PRKCH: variants seen among roughly 807,000 people sequenced by gnomAD.
PRKCH encodes the protein protein kinase C eta type.
A neutral mutation model predicts 82.5 loss-of-function variants in PRKCH; 28 were observed. The observed-to-expected ratio is 0.34, with a 90% CI of 0.25 to 0.47. The LOEUF is 0.47. PRKCH is among the 20% of genes least tolerant of loss of function. PRKCH has a pLI of 1.00. For synonymous variants in PRKCH, 322 were observed against 327.4 expected, an observed-to-expected ratio of 0.98 and a Z score of 0.18; for missense variants, 705 against 881.8, an observed-to-expected ratio of 0.80 and a Z score of 2.54.
Position 61,435,738 on chromosome 14 carries a change from ATGAAAC to A in PRKCH, c.428-7372_428-7367del, listed in dbSNP as rs1257469261. Among the ~76,000 whole-genome samples, 19 of 152,080 alleles carry A rather than the reference ATGAAAC, an allele frequency of 1.2e-4. No homozygotes were observed. In the South Asian group the frequency reaches 2.1e-3, roughly 17 times the overall value. On this transcript the variant is annotated intron_variant, in intron 2 of 13. Transcript: ENST00000332981. ...AATGAATGAATGAATGAATGAATGAATGAAACCAGAGCTATAGCTGTATATTTGGGA... is the reference window on the plus strand; with the variant it reads ...AATGAATGAATGAATGAATGAATGAACAGAGCTATAGCTGTATATTTGGGA...
intron 1 of PRKCH, among the ~76,000 whole-genome samples, chr14:61,262,573 T>C (rs2045058977): frequency 6.6e-6 from 1 of 152,142 alleles, no homozygotes; most frequent in East Asian, 1.9e-4. Context: ...AAGAAACTTT[T>C]TGGGATGATG....
intron 3 of PRKCH, 132 bp from the exon 4 acceptor site, chr14:61,445,560 C>A: frequency 1.2e-6 from 1 of 819,114 alleles, no homozygotes; most frequent in African/African-American, 1.7e-5. Context: ...TCAGAAAGCA[C>A]ATGATCTTTG....
intron 1 of PRKCH, among the ~76,000 whole-genome samples, chr14:61,209,183 C>T (rs558530369): frequency 2.6e-5 from 4 of 152,108 alleles, no homozygotes; most frequent in East Asian, 1.9e-4. Flanking sequence ...TGCCAGATAC[C>T]GGTGCTATGC....
chr14:61,460,202 T>G (rs758581657), intron 9 of PRKCH, among the ~76,000 whole-genome samples: 1 of 152,196 alleles, frequency 6.6e-6, no homozygotes, highest in Non-Finnish European at 1.5e-5. Context: ...TGTTTTGTAT[T>G]TCTATATACC....
At position 61,264,850 on chromosome 14, in the gene PRKCH, C is replaced by G. The variant is rs2045083303; in HGVS notation, c.-19+77182C>G. Reference sequence around the variant, plus strand: ...GAGGCTTGAATTCCTTAGATTTTGGCTACTGTGGTCCATGACGCAGTTTGA... The same window carrying G: ...GAGGCTTGAATTCCTTAGATTTTGGGTACTGTGGTCCATGACGCAGTTTGA... On this transcript the variant is annotated intron_variant, in intron 1 of 3. Coordinates refer to the PRKCH transcript ENST00000555185. 3.3e-5 allele frequency among the ~76,000 whole-genome samples: 5 copies of G among 152,246 alleles called. No individual in the cohort carries two copies. The South Asian group carries it at 1.0e-3, about 32-fold the overall frequency.
intron 3 of PRKCH, among the ~76,000 whole-genome samples, chr14:61,444,768 T>C (rs1461204071): frequency 6.6e-6 from 1 of 152,206 alleles, no homozygotes; most frequent in African/African-American, 2.4e-5. Flanking sequence ...ATTTGCAAAA[T>C]AGACACAACA....
intron 1 of PRKCH, among the ~76,000 whole-genome samples, chr14:61,205,861 A>T (rs1434644730): frequency 2.6e-5 from 4 of 152,200 alleles, no homozygotes; most frequent in Non-Finnish European, 4.4e-5. Flanking sequence ...TGATGCCCAC[A>T]GTGGCAAATG....
intron 1 of PRKCH, among the ~76,000 whole-genome samples, chr14:61,266,362 G>C (rs988721992): frequency 1.3e-5 from 2 of 152,182 alleles, no homozygotes; most frequent in African/African-American, 4.8e-5. Flanking sequence ...AGGTTGCAGT[G>C]AGCTGAGATT....
At chr14:61,273,060 G>T (rs979978710) in intron 1 of PRKCH, among the ~76,000 whole-genome samples, 29 of 152,124 alleles carry the variant, frequency 1.9e-4, no homozygotes, top group Non-Finnish European at 3.8e-4. Context: ...CCCTTATCAT[G>T]CATTATTCTT....
chr14:61,484,760 C>G lies in PRKCH; in HGVS notation c.1279-742C>G, dbSNP rs555792691. On this transcript the variant is annotated intron_variant, in intron 9 of 13. Coordinates refer to ENST00000332981, the MANE Select transcript of PRKCH (RefSeq NM_006255.5). ...ATGCTACTGTGAGGCTGTCATTTGG[C>G]TTCCTTTTTTTTTTTTTTTTTTTGG... Among the ~76,000 whole-genome samples the G allele has an allele frequency of 8.8e-3, 1,140 of 129,778 alleles. 16 individuals are homozygous for G. Among genetic ancestry groups the G allele is most frequent in the African/African-American group, 0.035 (1,070 of 30,516 alleles). 85.1% of individuals were successfully genotyped at this position (129,778 alleles called of 152,430 possible).
In PRKCH at chr14:61,550,911, A is replaced by G. The variant is rs1381668881; in HGVS notation, c.*1080A>G. ...GGCATATATCAAAGATGACCTTATA[A>G]TATGTACCCGAATATACAGTTCAAG... On this transcript the variant is annotated 3_prime_UTR_variant, in exon 14 of 14. Coordinates refer to ENST00000332981, the MANE Select transcript of PRKCH (RefSeq NM_006255.5). The G allele has an allele frequency of 1.3e-5, 2 of 152,360 alleles. No individual in the cohort carries two copies. The highest frequency in any genetic ancestry group is 1.5e-5 in the Non-Finnish European group (1 of 68,038). The allele number at this position is 152,360 out of a possible 1,614,324, so 9.4% of individuals were successfully genotyped here. A position where few individuals can be genotyped will look rare whatever the true frequency, so the allele number is the denominator to read the frequency against.
intron 1 of PRKCH, among the ~76,000 whole-genome samples, chr14:61,370,195 G>A (rs981990208): frequency 3.9e-5 from 6 of 152,086 alleles, no homozygotes; most frequent in South Asian, 2.1e-4. Flanking sequence ...CGCCTGCCTC[G>A]GCCTCCCAAA....
chr14:61,469,931 C>T (rs977481226), intron 9 of PRKCH, among the ~76,000 whole-genome samples: 2 of 151,994 alleles, frequency 1.3e-5, no homozygotes, highest in African/African-American at 4.8e-5. Flanking sequence ...GAAAAGAGTC[C>T]CTGCCCTCAT....
intron 1 of PRKCH, among the ~76,000 whole-genome samples, chr14:61,350,575 C>G (rs528675742): frequency 6.6e-6 from 1 of 152,274 alleles, no homozygotes; most frequent in South Asian, 2.1e-4. Context: ...CTCTTCTCAC[C>G]TCTTCACCAG....
At chr14:61,504,615 G>C (rs960818235) in intron 10 of PRKCH, among the ~76,000 whole-genome samples, 1 of 152,156 alleles carries the variant, frequency 6.6e-6, no homozygotes, top group East Asian at 1.9e-4. Flanking sequence ...ATTGAGAGGG[G>C]TCCCTCTGTA....
chr14:61,515,877 A>C (rs896727631), intron 10 of PRKCH, among the ~76,000 whole-genome samples: 1 of 152,126 alleles, frequency 6.6e-6, no homozygotes, highest in African/African-American at 2.4e-5. Flanking sequence ...AATAATAGCC[A>C]AGGGCTCTAC....
chr14:61,484,321 G>A (rs1342774020), intron 9 of PRKCH, among the ~76,000 whole-genome samples: 2 of 77,120 alleles, frequency 2.6e-5, no homozygotes, highest in African/African-American at 9.4e-5. Flanking sequence ...TTTGAGTAAT[G>A]TGTTTCTCAC....
rs192235049 is a variant in PRKCH at position 61,405,820 on chromosome 14, G to A, written c.427+14532G>A. ...GTACCTTATAGGGACTTAGTATATA[G>A]CTTTTGGAAAGTTAATTCTTACTGA... On this transcript the variant is annotated intron_variant, in intron 2 of 13. Transcript: ENST00000332981. Among the ~76,000 whole-genome samples, 74 of 152,262 alleles carry A rather than the reference G, an allele frequency of 4.9e-4. No individual in the cohort carries two copies. In the East Asian group the frequency reaches 0.011, roughly 23 times the overall value.
chr14:61,450,738 G>T, intron 5 of PRKCH, 104 bp from the exon 6 acceptor site: 1 of 1,349,568 alleles, frequency 7.4e-7, no homozygotes, highest in Non-Finnish European at 1.0e-6. Flanking sequence ...ACCTAGCTCA[G>T]GTGTCATAGT....
Sources: gnomAD v4.1 joint callset for allele counts (sites outside exome capture counted in the v4.1 genomes callset) on GRCh38, gnomAD v4.1.1 for gene constraint, MANE v1.5 for transcripts, NCBI Gene and HGNC (gene_info 2026-07-23, HGNC 2026-07-21) for gene names.